The following JAKMIP2 variants were observed in gnomAD, a reference collection of about 807,000 sequenced individuals.
The protein encoded by JAKMIP2 is janus kinase and microtubule-interacting protein 2.
A neutral mutation model predicts 115.0 loss-of-function variants in JAKMIP2; 25 were observed. That is an observed-to-expected ratio of 0.22 (90% CI 0.16 to 0.30). The LOEUF (loss-of-function observed/expected upper bound fraction) is 0.30. Ranked by LOEUF, JAKMIP2 falls within the 10% of genes least tolerant of loss-of-function variation. The pLI, the probability that JAKMIP2 is intolerant of heterozygous loss-of-function variation, is 1.00. For missense variants in JAKMIP2, 642 were observed against 957.6 expected, an observed-to-expected ratio of 0.67 and a Z score of 4.35; for synonymous variants, 334 against 343.6, an observed-to-expected ratio of 0.97 and a Z score of 0.31.
At chr5:147,629,432 T>C (rs1757256817) in intron 15 of JAKMIP2, among the ~76,000 whole-genome samples, 1 of 152,142 alleles carries the variant, frequency 6.6e-6, no homozygotes, top group Non-Finnish European at 1.5e-5. Context: ...GCTTTACTTA[T>C]TGGAGATGTG....
intron 5 of JAKMIP2, among the ~76,000 whole-genome samples, chr5:147,645,356 C>G (rs1337129737): frequency 1.3e-5 from 2 of 152,080 alleles, no homozygotes; most frequent in Admixed American, 1.3e-4. Flanking sequence ...CTGGAATGAC[C>G]TGCATTAGCT....
intron 1 of JAKMIP2, among the ~76,000 whole-genome samples, chr5:147,733,683 G>T (rs1248415544): frequency 6.6e-6 from 1 of 151,912 alleles, no homozygotes; most frequent in Admixed American, 6.6e-5. Flanking sequence ...TCTCATTGTT[G>T]GACTCCCACT....
chr5:147,702,654 A>AAAG (rs1561547641), intron 1 of JAKMIP2, among the ~76,000 whole-genome samples: 1 of 102,726 alleles, frequency 9.7e-6, no homozygotes, highest in East Asian at 2.9e-4. Context: ...GAAAGAAAGA[A>AAAG]AGAAAGAAAG....
intron 1 of JAKMIP2, among the ~76,000 whole-genome samples, chr5:147,763,962 A>G (rs2127054091): frequency 6.6e-6 from 1 of 152,300 alleles, no homozygotes; most frequent in South Asian, 2.1e-4. Flanking sequence ...AGGATCACCC[A>G]GCCAGACACC....
At chr5:147,652,058 T>A (rs1354113076) in intron 3 of JAKMIP2, among the ~76,000 whole-genome samples, 4 of 152,184 alleles carry the variant, frequency 2.6e-5, no homozygotes, top group African/African-American at 9.6e-5. Context: ...TCAGCCTCAT[T>A]ATCACCATCA....
At chr5:147,714,524 G>T (rs1175564076) in intron 1 of JAKMIP2, among the ~76,000 whole-genome samples, 1 of 152,152 alleles carries the variant, frequency 6.6e-6, no homozygotes, top group East Asian at 1.9e-4. Flanking sequence ...AGACTTAAAA[G>T]AATCCAAGAG....
chr5:147,754,942 A>G (rs1754690738), intron 1 of JAKMIP2, among the ~76,000 whole-genome samples: 1 of 152,178 alleles, frequency 6.6e-6, no homozygotes, highest in Admixed American at 6.5e-5. Flanking sequence ...GCTTGCATCA[A>G]GGAGCTTTGG....
chr5:147,721,226 G>T (rs1047879388), intron 1 of JAKMIP2, among the ~76,000 whole-genome samples: 8 of 151,684 alleles, frequency 5.3e-5, no homozygotes, highest in Non-Finnish European at 8.8e-5. Flanking sequence ...CCAGCTGCGT[G>T]CTGGGAGAAC....
chr5:147,619,285 C>T (rs1263217042), intron 18 of JAKMIP2, among the ~76,000 whole-genome samples: 1 of 151,894 alleles, frequency 6.6e-6, no homozygotes, highest in Non-Finnish European at 1.5e-5. Flanking sequence ...CACATAAACA[C>T]ACAACTTAAT....
At chr5:147,680,726 G>GTGTATTCATAAATTT (rs1288942285) in intron 1 of JAKMIP2, among the ~76,000 whole-genome samples, 10 of 152,138 alleles carry the variant, frequency 6.6e-5, no homozygotes, top group Non-Finnish European at 1.3e-4. Flanking sequence ...TCTCCATGCA[G>GTGTATTCATAAATTT]GAAAAATGTC....
At chr5:147,618,217 G>C in intron 18 of JAKMIP2, 103 bp from the exon 19 acceptor site, 2 of 817,770 alleles carry the variant, frequency 2.4e-6, no homozygotes, top group South Asian at 3.1e-5. Flanking sequence ...CCAACTTTAG[G>C]CTTATAGGAT....
intron 16 of JAKMIP2, among the ~76,000 whole-genome samples, chr5:147,625,832 G>T (rs986704015): frequency 6.6e-6 from 1 of 152,144 alleles, no homozygotes; most frequent in Non-Finnish European, 1.5e-5. Context: ...ATGTATCCAT[G>T]TAATAAAAGT....
At chr5:147,640,568 C>T in intron 9 of JAKMIP2, 136 bp downstream of exon 9, 2 of 835,758 alleles carry the variant, frequency 2.4e-6, no homozygotes, top group South Asian at 2.3e-5. Context: ...AGTGCAGCCT[C>T]AAAATTGTTT....
At chr5:147,629,238 T>C (rs1254284303) in intron 15 of JAKMIP2, among the ~76,000 whole-genome samples, 1 of 152,160 alleles carries the variant, frequency 6.6e-6, no homozygotes, top group East Asian at 1.9e-4. Context: ...CAATAAATGG[T>C]CCTCCCACTG....
intron 1 of JAKMIP2, among the ~76,000 whole-genome samples, chr5:147,676,813 T>G (rs1759990345): frequency 6.6e-6 from 1 of 152,230 alleles, no homozygotes; most frequent in African/African-American, 2.4e-5. Context: ...GGATCATTAG[T>G]GAAAGAATTA....
intron 1 of JAKMIP2, among the ~76,000 whole-genome samples, chr5:147,773,424 T>C (rs75095400): frequency 0.017 from 2,645 of 151,168 alleles, 96 homozygotes; most frequent in African/African-American, 0.062. Context: ...GCAAGAGGAT[T>C]ATACAAAATA....
intron 20 of JAKMIP2, among the ~76,000 whole-genome samples, chr5:147,607,897 C>T (rs11543576): frequency 0.95 from 144,783 of 152,190 alleles, 69,271 homozygotes; most frequent in East Asian, 1. Flanking sequence ...CTTGGTTTAG[C>T]CTTGGGAGGG....
chr5:147,773,742 C>T (rs1005496375), intron 1 of JAKMIP2, among the ~76,000 whole-genome samples: 1 of 152,048 alleles, frequency 6.6e-6, no homozygotes, highest in Non-Finnish European at 1.5e-5. Context: ...CTGTAGAGAG[C>T]AAAAACCCAA....
rs558941203 is a variant in JAKMIP2, at chr5:147,704,483, T to C, written c.-148-32529A>G. On this transcript the variant is annotated intron_variant, in intron 1 of 21. Coordinates refer to ENST00000616793, the MANE Select transcript of JAKMIP2 (RefSeq NM_001270941.2). Reference sequence around the variant, plus strand: ...TCATTTTGTGGGACATGGCTGTATGTTCCATTTCTCTCCTGGCCTCCTTTT... The same window carrying C: ...TCATTTTGTGGGACATGGCTGTATGCTCCATTTCTCTCCTGGCCTCCTTTT... Among the ~76,000 whole-genome samples the C allele has an allele frequency of 8.3e-4, 126 of 152,234 alleles. 1 individual carries two copies. Among genetic ancestry groups the C allele is most frequent in the Non-Finnish European group, 6.8e-4 (46 of 68,006 alleles).
Sources: gnomAD v4.1 joint callset for allele counts (sites outside exome capture counted in the v4.1 genomes callset) on GRCh38, gnomAD v4.1.1 for gene constraint, MANE v1.5 for transcripts, NCBI Gene and HGNC (gene_info 2026-07-23, HGNC 2026-07-21) for gene names.